ADGRL4: variants seen among roughly 807,000 people sequenced by gnomAD.
ADGRL4 encodes EGF, latrophilin and seven transmembrane domain containing 1.
Under a neutral mutation model 74.8 loss-of-function variants are expected in ADGRL4, and 90 were observed. That is an observed-to-expected ratio of 1.20 (90% confidence interval 1.02 to 1.43). The LOEUF (loss-of-function observed/expected upper bound fraction) is 1.43. Among genes scored for constraint, ADGRL4 ranks in the 40% most tolerant of loss-of-function variants. The probability of loss-of-function intolerance (pLI) is 0.00; values close to 1 mark genes in which losing one functional copy is unlikely to be tolerated. For synonymous variants in ADGRL4, 311 were observed against 279.2 expected (o/e 1.11, Z -1.14); for missense variants, 881 against 814.3 (o/e 1.08, Z -1.00).
rs186569784 is a variant in ADGRL4, at chr1:78,984,655, G to A, written c.172+20415C>T. Among the ~76,000 whole-genome samples, 212 of 151,732 alleles carry A rather than the reference G, an allele frequency of 1.4e-3. 2 individuals are homozygous for A. The highest frequency in any genetic ancestry group is 5.0e-3 in the African/African-American group (206 of 41,434). On this transcript the variant is annotated intron_variant, in intron 2 of 14. Coordinates refer to ENST00000370742, the MANE Select transcript of ADGRL4 (RefSeq NM_022159.4). ...AAGACATTTTCAAATACAGAAGAAA[G>A]CAGACAACAGAGTAGTCAGAAACCT...
At chr1:78,971,875 C>A (rs1650176433) in intron 2 of ADGRL4, among the ~76,000 whole-genome samples, 1 of 152,164 alleles carries the variant, frequency 6.6e-6, no homozygotes, top group African/African-American at 2.4e-5. Flanking sequence ...CCTGCCTCAG[C>A]CTCCCGAGTA....
chr1:78,997,253 G>T (rs891402561), intron 2 of ADGRL4, among the ~76,000 whole-genome samples: 9 of 152,238 alleles, frequency 5.9e-5, no homozygotes, highest in African/African-American at 1.9e-4. Context: ...CTTGACTAAT[G>T]CTGTCCTGGT....
At chr1:78,997,959 G>A (rs1650751641) in intron 2 of ADGRL4, among the ~76,000 whole-genome samples, 2 of 152,140 alleles carry the variant, frequency 1.3e-5, no homozygotes, top group Admixed American at 1.3e-4. Flanking sequence ...TTGCTTCCAG[G>A]CAGATGACCA....
chr1:78,985,541 T>G (rs1393730742), intron 2 of ADGRL4, among the ~76,000 whole-genome samples: 1 of 151,832 alleles, frequency 6.6e-6, no homozygotes, highest in Non-Finnish European at 1.5e-5. Context: ...TATAATATAT[T>G]TCCTCCAATG....
At chr1:78,914,144 C>A (rs577031528) in intron 12 of ADGRL4, among the ~76,000 whole-genome samples, 1 of 151,940 alleles carries the variant, frequency 6.6e-6, no homozygotes, top group East Asian at 2.0e-4. Flanking sequence ...CACTTGCAAT[C>A]CTCTGCCCTT....
intron 2 of ADGRL4, among the ~76,000 whole-genome samples, chr1:78,968,503 T>G (rs1602053): frequency 0.81 from 78,727 of 97,494 alleles, 30,000 homozygotes; most frequent in South Asian, 0.85. Context: ...TGGAGGGCGG[T>G]GGGGGGGTGG....
At chr1:78,937,531 G>A (rs1649379871) in intron 6 of ADGRL4, among the ~76,000 whole-genome samples, 1 of 152,090 alleles carries the variant, frequency 6.6e-6, no homozygotes, top group Non-Finnish European at 1.5e-5. Flanking sequence ...AAATGCCAAG[G>A]GAATAATGTA....
chr1:78,978,827 A>G (rs1164357274), intron 2 of ADGRL4, among the ~76,000 whole-genome samples: 2 of 152,020 alleles, frequency 1.3e-5, no homozygotes, highest in Non-Finnish European at 2.9e-5. Context: ...TGGAGGCAGA[A>G]CTAAAACACA....
chr1:78,891,359 C>T (rs1648268928), intron 14 of ADGRL4, 143 bp from the exon 15 acceptor site: 1 of 1,215,972 alleles, frequency 8.2e-7, no homozygotes, highest in Admixed American at 2.8e-5. Context: ...TATTTATATC[C>T]CTAATACCAA....
chr1:78,928,985 A>G (rs1288494280), intron 7 of ADGRL4, among the ~76,000 whole-genome samples: 1 of 151,502 alleles, frequency 6.6e-6, no homozygotes, highest in African/African-American at 2.4e-5. Context: ...CTTTATTGCT[A>G]CTTTAACTTG....
chr1:78,952,438 G>T (rs1169010318), intron 2 of ADGRL4, among the ~76,000 whole-genome samples: 1 of 143,184 alleles, frequency 7.0e-6, no homozygotes, highest in East Asian at 2.1e-4. Context: ...AACTTTAAAA[G>T]ATCATCACTA....
At chr1:79,000,577 T>A (rs560106833) in intron 2 of ADGRL4, among the ~76,000 whole-genome samples, 1 of 152,330 alleles carries the variant, frequency 6.6e-6, no homozygotes, top group South Asian at 2.1e-4. Flanking sequence ...TGTAATATTG[T>A]TGAGTGGATA....
At chr1:78,975,578 T>C (rs1373876659) in intron 2 of ADGRL4, among the ~76,000 whole-genome samples, 1 of 151,956 alleles carries the variant, frequency 6.6e-6, no homozygotes, top group Non-Finnish European at 1.5e-5. Context: ...TGCAATTTCT[T>C]AAACTCTAAA....
At chr1:78,906,094 G>A (rs1016063468) in intron 12 of ADGRL4, among the ~76,000 whole-genome samples, 6 of 151,932 alleles carry the variant, frequency 3.9e-5, no homozygotes, top group Non-Finnish European at 8.8e-5. Flanking sequence ...AGAAACTAAA[G>A]ATTCATGGGT....
chr1:78,995,090 C>T (rs911895821), intron 2 of ADGRL4, among the ~76,000 whole-genome samples: 1 of 152,166 alleles, frequency 6.6e-6, no homozygotes, highest in Non-Finnish European at 1.5e-5. Context: ...TGTGCACCAT[C>T]TTATTCAAAG....
intron 13 of ADGRL4, among the ~76,000 whole-genome samples, 182 bp from the exon 14 acceptor site, chr1:78,891,874 A>G (rs1216688523): frequency 6.6e-6 from 1 of 152,114 alleles, no homozygotes; most frequent in Non-Finnish European, 1.5e-5. Flanking sequence ...CATTTAGGGT[A>G]TGTTGCTGCT....
chr1:78,947,776 A>C (rs1377212945), intron 2 of ADGRL4, among the ~76,000 whole-genome samples: 1 of 152,166 alleles, frequency 6.6e-6, no homozygotes, highest in Non-Finnish European at 1.5e-5. Context: ...CTAATTGGGG[A>C]GCACAGAGAG....
chr1:78,951,523 T>C (rs991195770), intron 2 of ADGRL4, among the ~76,000 whole-genome samples: 1 of 152,222 alleles, frequency 6.6e-6, no homozygotes, highest in African/African-American at 2.4e-5. Flanking sequence ...TTGATGGTTA[T>C]CTACTCGTTT....
At chr1:78,891,753 A>T (rs1315773893) in intron 13 of ADGRL4, 61 bp from the exon 14 acceptor site, 1 of 1,425,618 alleles carries the variant, frequency 7.0e-7, no homozygotes, top group Admixed American at 2.3e-5. Context: ...TATCTCCCAA[A>T]TTACTCAAAT....
Sources: allele counts gnomAD v4.1 joint callset (sites outside exome capture counted in the v4.1 genomes callset), GRCh38; gene constraint gnomAD v4.1.1; transcripts MANE v1.5; gene names NCBI Gene and HGNC (gene_info 2026-07-23, HGNC 2026-07-21).